Variants in MYO6 observed in about 807,000 individuals in gnomAD.
The protein encoded by MYO6 is myosin VI, also known as unconventional myosin-VI.
In MYO6, 74 loss-of-function variants were observed where a neutral mutation model predicts 178.7. The ratio of observed to expected loss-of-function variants is 0.41; its 90% CI spans 0.34 to 0.50. The LOEUF (loss-of-function observed/expected upper bound fraction) is 0.50. Ranked by LOEUF, MYO6 falls within the 20% of genes least tolerant of loss-of-function variation. The pLI is 0.09. For missense variants in MYO6, 1,330 were observed against 1,547.4 expected, an observed-to-expected ratio of 0.86 and a Z score of 2.36; for synonymous variants, 477 against 504.6, an observed-to-expected ratio of 0.95 and a Z score of 0.73.
At chr6:75,859,018 TA>T (rs1286612067) in intron 14 of MYO6, 25 bp downstream of exon 14, 1 of 1,396,470 alleles carries the variant, frequency 7.2e-7, no homozygotes, top group Admixed American at 1.7e-5. Flanking sequence ...AAGTTTAATT[TA>T]AGATCTGCAT....
intron 1 of MYO6, among the ~76,000 whole-genome samples, chr6:75,814,635 G>T (rs1771030569): frequency 1.3e-5 from 2 of 152,144 alleles, no homozygotes; most frequent in African/African-American, 2.4e-5. Flanking sequence ...GTTGAGGCAG[G>T]TTGATTGCTT....
chr6:75,781,917 C>CAAAAAAAA, intron 1 of MYO6, among the ~76,000 whole-genome samples: 1 of 44,656 alleles, frequency 2.2e-5, no homozygotes, highest in Non-Finnish European at 4.4e-5. Context: ...GACTCCATCT[C>CAAAAAAAA]AAAAAAAAAA....
intron 19 of MYO6, among the ~76,000 whole-genome samples, chr6:75,871,538 C>T (rs563486503): frequency 5.1e-4 from 78 of 152,268 alleles, no homozygotes; most frequent in Admixed American, 1.9e-3. Flanking sequence ...GCGTGAGCCA[C>T]GGCACCTAGT....
chr6:75,825,029 G>T (rs10223407), intron 3 of MYO6, among the ~76,000 whole-genome samples: 303 of 152,278 alleles, frequency 2.0e-3, no homozygotes, highest in African/African-American at 6.9e-3. Context: ...AAAGTGCTGG[G>T]ATTATAGGCG....
At chr6:75,828,508 T>C in intron 3 of MYO6, 32 bp from the exon 4 acceptor site, 1 of 1,240,412 alleles carries the variant, frequency 8.1e-7, no homozygotes, top group South Asian at 1.2e-5. Context: ...TTTTCTTCAA[T>C]TCTCTAATGA....
At position 75,770,442 on chromosome 6, in the gene MYO6, A is replaced by G. The variant is rs141392965; in HGVS notation, c.-48+21019A>G. 6.6e-5 allele frequency among the ~76,000 whole-genome samples: 10 copies of G among 152,268 alleles called. No individual in the cohort carries two copies. The East Asian group carries it at 1.9e-3, about 29-fold the overall frequency. On this transcript the variant is annotated intron_variant, in intron 1 of 34. Transcript: ENST00000369977. ...TTATATATAGTATTTGTTGCTCTGTATGTGGTATTCAAACTTCTAAACTAA... is the reference window on the plus strand; with the variant it reads ...TTATATATAGTATTTGTTGCTCTGTGTGTGGTATTCAAACTTCTAAACTAA...
rs1781122370 is a variant in MYO6 at position 75,916,414 on chromosome 6, ATATT to A, written c.*1411_*1414del. Reference sequence around the variant, plus strand: ...GCTTCTCTCATGTCTTAGTAGAGAAATATTTATTTATTATGATACATTCAAATGA... The same window carrying A: ...GCTTCTCTCATGTCTTAGTAGAGAAATATTTATTATGATACATTCAAATGA... On this transcript the variant is annotated 3_prime_UTR_variant, in exon 35 of 35. Transcript: ENST00000369977. 6.5e-6 allele frequency: 1 copy of A among 152,746 alleles called. No individual in the cohort carries two copies. Among genetic ancestry groups the A allele is most frequent in the South Asian group, 2.1e-4 (1 of 4,830 alleles). 9.5% of individuals were successfully genotyped at this position (152,746 alleles called of 1,614,324 possible). A position where few individuals can be genotyped will look rare whatever the true frequency, so the allele number is the denominator to read the frequency against.
At chr6:75,816,378 CAG>C (rs1454087347) in intron 1 of MYO6, among the ~76,000 whole-genome samples, 1 of 152,156 alleles carries the variant, frequency 6.6e-6, no homozygotes, top group Admixed American at 6.5e-5. Context: ...GTTTTAGAAA[CAG>C]GGTCTTGTTC....
intron 10 of MYO6, 107 bp from the exon 11 acceptor site, chr6:75,848,244 G>C (rs1452351091): frequency 9.7e-7 from 1 of 1,026,810 alleles, no homozygotes; most frequent in African/African-American, 1.6e-5. Context: ...CCCATTGACA[G>C]ATTTTATTTT....
chr6:75,831,451 G>A (rs924498674), intron 5 of MYO6, among the ~76,000 whole-genome samples: 1 of 152,182 alleles, frequency 6.6e-6, no homozygotes, highest in Non-Finnish European at 1.5e-5. Context: ...GACAGGCATC[G>A]TTGTGTTGCA....
chr6:75,896,342 T>C (rs1275647274), intron 29 of MYO6, among the ~76,000 whole-genome samples: 3 of 152,238 alleles, frequency 2.0e-5, no homozygotes, highest in Admixed American at 1.3e-4. Context: ...ATAACTGTAG[T>C]AGAAGACATG....
At chr6:75,796,623 T>C (rs1365266473) in intron 1 of MYO6, among the ~76,000 whole-genome samples, 19 of 145,444 alleles carry the variant, frequency 1.3e-4, no homozygotes, top group African/African-American at 4.2e-4. Flanking sequence ...TGTCTATGAC[T>C]CCCATCTTTT....
chr6:75,872,082 T>C (rs1162025747), intron 19 of MYO6, among the ~76,000 whole-genome samples: 1 of 151,938 alleles, frequency 6.6e-6, no homozygotes, highest in Non-Finnish European at 1.5e-5. Flanking sequence ...TGAGCCAAGA[T>C]CACGCCACTG....
chr6:75,846,758 A>G (rs1774773065), intron 10 of MYO6, among the ~76,000 whole-genome samples: 1 of 152,082 alleles, frequency 6.6e-6, no homozygotes, highest in Admixed American at 6.5e-5. Flanking sequence ...AAATTTGATC[A>G]TTTGCCATGG....
intron 1 of MYO6, among the ~76,000 whole-genome samples, chr6:75,773,317 G>C (rs1398642016): frequency 2.0e-5 from 3 of 152,154 alleles, no homozygotes; most frequent in African/African-American, 7.2e-5. Context: ...GAACCATTGT[G>C]GAGAAACTAA....
intron 2 of MYO6, among the ~76,000 whole-genome samples, chr6:75,818,489 C>T (rs767166108): frequency 6.6e-6 from 1 of 152,178 alleles, no homozygotes; most frequent in Non-Finnish European, 1.5e-5. Context: ...TGATAGATGT[C>T]CACAATTTTT....
intron 23 of MYO6, among the ~76,000 whole-genome samples, chr6:75,884,427 A>T (rs1778270758): frequency 6.6e-6 from 1 of 152,186 alleles, no homozygotes; most frequent in African/African-American, 2.4e-5. Context: ...TTTGGGAGGT[A>T]GCAGTGTAGC....
Position 75,828,604 on chromosome 6 carries a change from C to T in MYO6, c.252C>T (p.Asp84=). 1 of 1,564,874 alleles carries T rather than the reference C, an allele frequency of 6.4e-7. No individual in the cohort carries two copies. Among genetic ancestry groups the T allele is most frequent in the Non-Finnish European group, 8.8e-7 (1 of 1,135,712 alleles). Residue 84 remains aspartate, a synonymous_variant, in exon 4 of 35, where the codon GAC becomes GAT. Transcript: ENST00000369977. ...ATATCAAAGTTCGATATAGTAAAGACAGAATTTATGTAAGTATTTTACCTG... is the reference window on the plus strand; with the variant it reads ...ATATCAAAGTTCGATATAGTAAAGATAGAATTTATGTAAGTATTTTACCTG... ...LHNIKVRYSK[D]RIYTYVANIL...
intron 1 of MYO6, among the ~76,000 whole-genome samples, chr6:75,778,632 A>G (rs549255595): frequency 8.5e-4 from 129 of 152,154 alleles, no homozygotes; most frequent in African/African-American, 2.9e-3. Context: ...GCCTTTTTCT[A>G]ATTTCCCGAA....
Sources: allele counts gnomAD v4.1 joint callset (sites outside exome capture counted in the v4.1 genomes callset), GRCh38; gene constraint gnomAD v4.1.1; transcripts MANE v1.5; gene names NCBI Gene and HGNC (gene_info 2026-07-23, HGNC 2026-07-21).